Variants in SNX29 observed in about 807,000 individuals in gnomAD.
The protein encoded by SNX29 is sorting nexin-29.
Under a neutral mutation model 102.1 loss-of-function variants are expected in SNX29, and 78 were observed. The ratio of observed to expected loss-of-function variants is 0.76; its 90% CI spans 0.64 to 0.92. SNX29 has a LOEUF of 0.92. Ranked by LOEUF, SNX29 falls within the 40% of genes least tolerant of loss-of-function variation. The probability of loss-of-function intolerance (pLI) is 0.00; values close to 1 mark genes in which losing one functional copy is unlikely to be tolerated. For missense variants in SNX29, 1,280 were observed against 1,061.7 expected (o/e 1.21, Z -2.86); for synonymous variants, 580 against 414.5 (o/e 1.40, Z -4.85).
At chr16:12,514,720 C>T (rs2089785631) in intron 19 of SNX29, among the ~76,000 whole-genome samples, 1 of 152,112 alleles carries the variant, frequency 6.6e-6, no homozygotes, top group Admixed American at 6.5e-5. Flanking sequence ...GAAAGATTAG[C>T]TGGGCGTGGT....
intron 4 of SNX29, among the ~76,000 whole-genome samples, chr16:12,031,112 G>A (rs1410410244): frequency 6.6e-6 from 1 of 151,552 alleles, no homozygotes; most frequent in Non-Finnish European, 1.5e-5. Context: ...TTGCTCTGTC[G>A]CCCAGGCTAG....
chr16:12,414,826 A>T (rs566392834), intron 18 of SNX29, among the ~76,000 whole-genome samples: 1 of 152,228 alleles, frequency 6.6e-6, no homozygotes, highest in South Asian at 2.1e-4. Flanking sequence ...GGTTCAAGCA[A>T]TTCTCCCACC....
At chr16:12,540,087 G>A (rs991181446) in intron 20 of SNX29, among the ~76,000 whole-genome samples, 7 of 152,236 alleles carry the variant, frequency 4.6e-5, no homozygotes, top group Admixed American at 3.9e-4. Context: ...TCTACCAATT[G>A]TTAGCCTAAA....
chr16:12,476,850 A>T (rs532147652), intron 18 of SNX29, among the ~76,000 whole-genome samples: 1 of 152,294 alleles, frequency 6.6e-6, no homozygotes, highest in Admixed American at 6.5e-5. Context: ...TATCACTCAC[A>T]TTAGAGATGC....
At chr16:12,562,331 C>A (rs953729972) in intron 20 of SNX29, among the ~76,000 whole-genome samples, 1 of 152,146 alleles carries the variant, frequency 6.6e-6, no homozygotes, top group African/African-American at 2.4e-5. Flanking sequence ...ACCTGCAGGG[C>A]AGATTCTGTG....
intron 13 of SNX29, among the ~76,000 whole-genome samples, chr16:12,146,825 C>G (rs1336347308): frequency 6.6e-6 from 1 of 152,170 alleles, no homozygotes; most frequent in African/African-American, 2.4e-5. Context: ...ATAATGGGAG[C>G]ACCTTCTCAA....
At chr16:12,211,899 A>G (rs2077194324) in intron 14 of SNX29, among the ~76,000 whole-genome samples, 1 of 152,106 alleles carries the variant, frequency 6.6e-6, no homozygotes, top group South Asian at 2.1e-4. Context: ...TGACATTTAG[A>G]CTGGTGTTGG....
At chr16:12,564,232 A>T (rs2078893703) in intron 20 of SNX29, among the ~76,000 whole-genome samples, 2 of 151,956 alleles carry the variant, frequency 1.3e-5, no homozygotes, top group South Asian at 4.1e-4. Flanking sequence ...CTCTAAGAGA[A>T]AAAAATCTCT....
At chr16:11,980,015 G>C (rs1203486515) in intron 1 of SNX29, among the ~76,000 whole-genome samples, 1 of 152,174 alleles carries the variant, frequency 6.6e-6, no homozygotes, top group Admixed American at 6.5e-5. Flanking sequence ...ACATTGGTTT[G>C]TGTTTTAAAT....
At chr16:12,540,299 GTGGCCCCACCCTCT>G (rs1443656076) in intron 20 of SNX29, among the ~76,000 whole-genome samples, 2 of 152,182 alleles carry the variant, frequency 1.3e-5, no homozygotes, top group African/African-American at 2.4e-5. Context: ...GCATTACGGG[GTGGCCCCACCCTCT>G]TGGGACCACA....
At chr16:12,024,474 C>T (rs146657367) in intron 3 of SNX29, among the ~76,000 whole-genome samples, 4 of 152,136 alleles carry the variant, frequency 2.6e-5, no homozygotes, top group Non-Finnish European at 4.4e-5. Context: ...CCAGTAGATA[C>T]GTGCTCAGAT....
At chr16:12,555,988 G>T (rs955058939) in intron 20 of SNX29, among the ~76,000 whole-genome samples, 1 of 151,836 alleles carries the variant, frequency 6.6e-6, no homozygotes, top group Non-Finnish European at 1.5e-5. Flanking sequence ...ATTTTCAAGT[G>T]TTTTTTTTGT....
chr16:12,571,834 C>CTA lies in SNX29; in HGVS notation c.*3205_*3206insTA, dbSNP rs2079194208. 3 of 1,043,378 alleles carry CTA rather than the reference C, an allele frequency of 2.9e-6. No homozygotes were observed. Among genetic ancestry groups the CTA allele is most frequent in the African/African-American group, 1.7e-5 (1 of 60,444 alleles). 64.6% of individuals were successfully genotyped at this position (1,043,378 alleles called of 1,614,324 possible). A position where few individuals can be genotyped will look rare whatever the true frequency, so the allele number is the denominator to read the frequency against. On this transcript the variant is annotated 3_prime_UTR_variant, in exon 21 of 21. Transcript: ENST00000566228. ...TCCAGCTTCTTTGATTCCCACTTAG[C>CTA]AGTATGCTCCAATCACGTTGCTGGC...
intron 18 of SNX29, among the ~76,000 whole-genome samples, chr16:12,406,025 T>C (rs1198104769): frequency 6.6e-6 from 1 of 150,710 alleles, no homozygotes; most frequent in Non-Finnish European, 1.5e-5. Context: ...AGAATGAGAC[T>C]CTGCCTCAAA....
intron 11 of SNX29, among the ~76,000 whole-genome samples, chr16:12,125,411 G>C (rs1018850967): frequency 2.6e-5 from 4 of 151,966 alleles, no homozygotes; most frequent in Non-Finnish European, 5.9e-5. Flanking sequence ...CAGTCATTTT[G>C]ATGTTGATAA....
intron 15 of SNX29, among the ~76,000 whole-genome samples, chr16:12,345,150 G>C (rs1304644021): frequency 6.6e-6 from 1 of 152,170 alleles, no homozygotes; most frequent in Non-Finnish European, 1.5e-5. Flanking sequence ...CGTGGAGTTG[G>C]GTAAGATCCT....
At chr16:12,303,040 A>C (rs1360648204) in intron 15 of SNX29, among the ~76,000 whole-genome samples, 1 of 152,240 alleles carries the variant, frequency 6.6e-6, no homozygotes, top group Non-Finnish European at 1.5e-5. Context: ...TTCTTGAAGT[A>C]AGCTAGATAA....
intron 18 of SNX29, among the ~76,000 whole-genome samples, chr16:12,476,835 G>C (rs75849274): frequency 1.1e-4 from 17 of 152,274 alleles, no homozygotes; most frequent in African/African-American, 4.1e-4. Context: ...CGTAGGAACA[G>C]AATTTATCAC....
chr16:12,473,297 G>C (rs1019635336), intron 18 of SNX29, among the ~76,000 whole-genome samples: 1 of 152,164 alleles, frequency 6.6e-6, no homozygotes, highest in Non-Finnish European at 1.5e-5. Context: ...GAGTAATTTT[G>C]AGTAATTTTA....
Sources: allele counts gnomAD v4.1 joint callset (sites outside exome capture counted in the v4.1 genomes callset), GRCh38; gene constraint gnomAD v4.1.1; transcripts MANE v1.5; gene names NCBI Gene and HGNC (gene_info 2026-07-23, HGNC 2026-07-21).